PCDHGA7: variants seen among roughly 807,000 people sequenced by gnomAD.
PCDHGA7 encodes protocadherin gamma-A7.
In PCDHGA7, 44 loss-of-function variants were observed where a neutral mutation model predicts 58.3. The observed-to-expected ratio is 0.75, with a 90% CI of 0.59 to 0.97. The LOEUF is 0.97. Among genes scored for constraint, PCDHGA7 ranks in the 50% least tolerant of loss-of-function variants. The pLI, the probability that PCDHGA7 is intolerant of heterozygous loss-of-function variation, is 0.00. For synonymous variants in PCDHGA7, 516 were observed against 504.2 expected, an observed-to-expected ratio of 1.02 and a Z score of -0.31; for missense variants, 1,266 against 1,188.7, an observed-to-expected ratio of 1.06 and a Z score of -0.96.
rs751874380 is a variant in PCDHGA7 at position 141,486,055 on chromosome 5, C to A, written c.2425-8752C>A. ...CTGATCGTGTAAGAAACCTCTTTAG[C>A]CTGCACCCCACTACTGGAAAGCTTA... On this transcript the variant is annotated intron_variant, in intron 1 of 3. Transcript: ENST00000518325. The surrounding 1 kb of genome is among the most constrained non-coding windows in gnomAD (Gnocchi z 5.0). The A allele has an allele frequency of 6.2e-7, 1 of 1,614,170 alleles. No individual in the cohort carries two copies. Among genetic ancestry groups the A allele is most frequent in the South Asian group, 1.1e-5 (1 of 91,072 alleles).
rs748017565 is a variant in PCDHGA7 at position 141,477,404 on chromosome 5, C to G, written c.2425-17403C>G. ...AGAATACAACCTCAGCATCACCGCCCGAGACGCCGGAACCCCTTCCCTCTC... is the reference window on the plus strand; with the variant it reads ...AGAATACAACCTCAGCATCACCGCCGGAGACGCCGGAACCCCTTCCCTCTC... On this transcript the variant is annotated intron_variant, in intron 1 of 3. Coordinates refer to ENST00000518325, the MANE Select transcript of PCDHGA7 (RefSeq NM_018920.4). The surrounding 1 kb of genome is among the most constrained non-coding windows in gnomAD (Gnocchi z 4.9). The G allele has an allele frequency of 1.9e-6, 3 of 1,614,042 alleles. No homozygotes were observed. Among genetic ancestry groups the G allele is most frequent in the African/African-American group, 1.3e-5 (1 of 74,902 alleles).
intron 1 of PCDHGA7, among the ~76,000 whole-genome samples, chr5:141,451,391 T>C (rs928399948): frequency 6.6e-6 from 1 of 152,162 alleles, no homozygotes; most frequent in Non-Finnish European, 1.5e-5. Context: ...ACATAGTTAA[T>C]GGCAAAATTA....
At chr5:141,505,143 CAG>C (rs1332770308) in intron 2 of PCDHGA7, among the ~76,000 whole-genome samples, 1 of 152,172 alleles carries the variant, frequency 6.6e-6, no homozygotes, top group Non-Finnish European at 1.5e-5. Context: ...GCCTGGATGA[CAG>C]AGTAAGACCC....
At position 141,394,517 on chromosome 5, in the gene PCDHGA7, C is replaced by T. The variant is rs1226195225; in HGVS notation, c.2424+9194C>T. On this transcript the variant is annotated intron_variant, in intron 1 of 3. Transcript: ENST00000518325. ...CCGAGATCCTGTACCCCGCCCTCCC[C>T]ACAGACGGTTCCACTGGCGTGGAGC... 5 of 1,614,116 alleles carry T rather than the reference C, an allele frequency of 3.1e-6. No individual in the cohort carries two copies. The Admixed American group carries it at 5.0e-5, about 16-fold the overall frequency.
chr5:141,395,515 C>T (rs527577408), intron 1 of PCDHGA7: 5 of 407,340 alleles, frequency 1.2e-5, no homozygotes, highest in South Asian at 7.2e-5. Context: ...AGTAGCTACC[C>T]GTCCATACTG....
At chr5:141,420,811 CT>C (rs2096526727) in intron 1 of PCDHGA7, among the ~76,000 whole-genome samples, 1 of 152,214 alleles carries the variant, frequency 6.6e-6, no homozygotes, top group Admixed American at 6.5e-5. Flanking sequence ...TAAGCAAGCC[CT>C]TTTAATAATT....
intron 1 of PCDHGA7, chr5:141,423,905 G>T: frequency 7.9e-7 from 1 of 1,273,594 alleles, no homozygotes; most frequent in Non-Finnish European, 9.9e-7. Flanking sequence ...GATTTCAAAG[G>T]GGCCATTCAA....
intron 1 of PCDHGA7, among the ~76,000 whole-genome samples, chr5:141,479,935 A>C (rs1226362422): frequency 1.3e-5 from 2 of 152,232 alleles, no homozygotes. Context: ...CATCATTGCT[A>C]TCAACTCTTG....
chr5:141,397,450 A>G (rs1434264337), intron 1 of PCDHGA7, among the ~76,000 whole-genome samples: 1 of 152,258 alleles, frequency 6.6e-6, no homozygotes, highest in Admixed American at 6.5e-5. Context: ...AATATAAAAC[A>G]CTAGAAATAT....
At chr5:141,494,181 C>T (rs2099752517) in intron 1 of PCDHGA7, among the ~76,000 whole-genome samples, 1 of 152,136 alleles carries the variant, frequency 6.6e-6, no homozygotes, top group Non-Finnish European at 1.5e-5. Flanking sequence ...GAGAAGTGTC[C>T]CGGGACTTGG....
chr5:141,394,204 A>G (rs749979763), intron 1 of PCDHGA7: 4 of 1,613,914 alleles, frequency 2.5e-6, no homozygotes, highest in Non-Finnish European at 3.4e-6. Context: ...ATCCTAGAGA[A>G]CAACCTGAGA....
chr5:141,460,075 C>T (rs2098981644), intron 1 of PCDHGA7, among the ~76,000 whole-genome samples: 2 of 151,896 alleles, frequency 1.3e-5, no homozygotes, highest in East Asian at 1.9e-4. Context: ...GAGACTTCAT[C>T]TAAAAAATAA....
In PCDHGA7 at chr5:141,400,602, A is replaced by C; in HGVS notation, c.2424+15279A>C. 3.1e-6 allele frequency: 5 copies of C among 1,590,234 alleles called. No homozygotes were observed. In the South Asian group the frequency reaches 5.6e-5, roughly 18 times the overall value. ...TTACATGAAACTATCGTACATTTTCAAGTCCAATGAGTTGTCTTAGGGAAG... is the reference window on the plus strand; with the variant it reads ...TTACATGAAACTATCGTACATTTTCCAGTCCAATGAGTTGTCTTAGGGAAG... On this transcript the variant is annotated intron_variant, in intron 1 of 3. Transcript: ENST00000518325.
At position 141,486,121 on chromosome 5, in the gene PCDHGA7, T is replaced by C. The variant is rs371827617; in HGVS notation, c.2425-8686T>C. 5.6e-6 allele frequency: 9 copies of C among 1,614,086 alleles called. No individual in the cohort carries two copies. The highest frequency in any genetic ancestry group is 2.2e-5 in the South Asian group (2 of 91,082). ...TAGACTTTGAGAGTGAGAATTACTATGAATTTGATGTGCGGGCTCGCGATG... is the reference window on the plus strand; with the variant it reads ...TAGACTTTGAGAGTGAGAATTACTACGAATTTGATGTGCGGGCTCGCGATG... On this transcript the variant is annotated intron_variant, in intron 1 of 3. Coordinates refer to ENST00000518325, the MANE Select transcript of PCDHGA7 (RefSeq NM_018920.4). This position sits in a 1 kb window ranked among gnomAD's most constrained non-coding sequence, Gnocchi z 5.0.
intron 1 of PCDHGA7, among the ~76,000 whole-genome samples, chr5:141,462,993 T>A (rs1350208420): frequency 1.3e-5 from 2 of 152,164 alleles, no homozygotes; most frequent in African/African-American, 4.8e-5. Flanking sequence ...TTGGGCTAAT[T>A]TAGACCTACC....
At chr5:141,398,747 AC>A in intron 1 of PCDHGA7, 1 of 1,613,496 alleles carries the variant, frequency 6.2e-7, no homozygotes, top group Middle Eastern at 1.6e-4. Context: ...CAACAGAGTT[AC>A]CATCGTTTAG....
At chr5:141,498,089 A>G (rs1402239680) in intron 2 of PCDHGA7, among the ~76,000 whole-genome samples, 3 of 152,370 alleles carry the variant, frequency 2.0e-5, no homozygotes, top group South Asian at 2.1e-4. Context: ...GTAGAATTGT[A>G]TCTGGTGGTG....
intron 2 of PCDHGA7, among the ~76,000 whole-genome samples, chr5:141,498,309 G>A (rs2099783046): frequency 6.6e-6 from 1 of 151,844 alleles, no homozygotes; most frequent in Non-Finnish European, 1.5e-5. Flanking sequence ...GGGTCACACT[G>A]CCTACACAGA....
At position 141,477,966 on chromosome 5, in the gene PCDHGA7, G is replaced by T; in HGVS notation, c.2425-16841G>T. 1 of 1,614,118 alleles carries T rather than the reference G, an allele frequency of 6.2e-7. No individual in the cohort carries two copies. The highest frequency in any genetic ancestry group is 8.5e-7 in the Non-Finnish European group (1 of 1,180,036). On this transcript the variant is annotated intron_variant, in intron 1 of 3. Coordinates refer to ENST00000518325, the MANE Select transcript of PCDHGA7 (RefSeq NM_018920.4). This position sits in a 1 kb window ranked among gnomAD's most constrained non-coding sequence, Gnocchi z 4.9. ...AGTCTCTTGGGATCCCCTAACCAGA[G>T]CCTTTTTGCCATAGGGCTGCACACT...
Sources: allele counts gnomAD v4.1 joint callset (sites outside exome capture counted in the v4.1 genomes callset), GRCh38; gene constraint gnomAD v4.1.1; non-coding constraint Gnocchi (gnomAD v3.1); transcripts MANE v1.5; gene names NCBI Gene and HGNC (gene_info 2026-07-23, HGNC 2026-07-21).